The following AKAP12 variants were observed in gnomAD, a reference collection of about 807,000 sequenced individuals.
AKAP12 encodes A-kinase anchoring protein 12.
Under a neutral mutation model 79.9 loss-of-function variants are expected in AKAP12, and 32 were observed. That is an observed-to-expected ratio of 0.40 (90% CI 0.30 to 0.54). The LOEUF (loss-of-function observed/expected upper bound fraction) is 0.54, where lower values mean the gene tolerates loss of function less well. Among genes scored for constraint, AKAP12 ranks in the 20% least tolerant of loss-of-function variants. AKAP12 has a pLI of 0.48. For synonymous variants in AKAP12, 808 were observed against 857.0 expected (o/e 0.94, Z 1.00); for missense variants, 2,074 against 2,177.0 (o/e 0.95, Z 0.94).
intron 2 of AKAP12, among the ~76,000 whole-genome samples, chr6:151,269,981 C>T (rs564659133): frequency 6.6e-6 from 1 of 152,238 alleles, no homozygotes; most frequent in Admixed American, 6.5e-5. Context: ...AATATGTGGC[C>T]TTTTGTGTCT....
At chr6:151,328,421 G>A (rs868339937) in intron 3 of AKAP12, among the ~76,000 whole-genome samples, 1 of 151,160 alleles carries the variant, frequency 6.6e-6, no homozygotes, top group Non-Finnish European at 1.5e-5. Flanking sequence ...GGCGGATCAC[G>A]AGGTCAGGAG....
intron 2 of AKAP12, among the ~76,000 whole-genome samples, chr6:151,262,083 G>A (rs1797450287): frequency 6.6e-6 from 1 of 152,054 alleles, no homozygotes; most frequent in African/African-American, 2.4e-5. Context: ...CCGAGTAGCT[G>A]GGATTATAGG....
At chr6:151,275,158 A>G (rs776967640) in intron 2 of AKAP12, among the ~76,000 whole-genome samples, 1 of 152,044 alleles carries the variant, frequency 6.6e-6, no homozygotes, top group Non-Finnish European at 1.5e-5. Flanking sequence ...TTTGACCCAT[A>G]TGTGATAACG....
intron 2 of AKAP12, among the ~76,000 whole-genome samples, chr6:151,252,274 C>G (rs931493712): frequency 5.4e-4 from 82 of 151,708 alleles, no homozygotes; most frequent in African/African-American, 1.8e-3. Flanking sequence ...TCTCAGCTTA[C>G]TGCACCCCCG....
intron 2 of AKAP12, among the ~76,000 whole-genome samples, chr6:151,287,327 A>G (rs1776526466): frequency 6.6e-6 from 1 of 151,948 alleles, no homozygotes; most frequent in Admixed American, 6.5e-5. Flanking sequence ...TGGCACAATC[A>G]TGGCTCACTG....
intron 3 of AKAP12, among the ~76,000 whole-genome samples, chr6:151,326,611 A>C (rs546728360): frequency 1.3e-5 from 2 of 152,248 alleles, no homozygotes; most frequent in East Asian, 3.9e-4. Context: ...ACTTACACGC[A>C]TCAAACTTTT....
chr6:151,252,221 T>C (rs189282312), intron 2 of AKAP12, among the ~76,000 whole-genome samples: 2 of 150,748 alleles, frequency 1.3e-5, no homozygotes, highest in Admixed American at 6.6e-5. Context: ...TTTTCTGAGA[T>C]GGAGTCTCGC....
chr6:151,308,324 T>C (rs1185102172), intron 3 of AKAP12, among the ~76,000 whole-genome samples: 1 of 152,122 alleles, frequency 6.6e-6, no homozygotes, highest in Non-Finnish European at 1.5e-5. Context: ...GTGATTCTCC[T>C]GCCTCAGACT....
intron 2 of AKAP12, among the ~76,000 whole-genome samples, chr6:151,293,072 T>C (rs1312877541): frequency 6.6e-6 from 1 of 152,262 alleles, no homozygotes; most frequent in African/African-American, 2.4e-5. Flanking sequence ...CCTCCTCTGT[T>C]GAAATTGTTT....
In AKAP12 at chr6:151,300,134, A is replaced by G. The variant is rs199873587; in HGVS notation, c.163-5613A>G. Among the ~76,000 whole-genome samples the G allele has an allele frequency of 5.9e-5, 9 of 152,134 alleles. No individual in the cohort carries two copies. In the East Asian group the frequency reaches 1.5e-3, roughly 26 times the overall value. ...AAGATTTACTTTCAAAACACTTTCT[A>G]TTAGAATGAAGGAGAAAACACAATG... On this transcript the variant is annotated intron_variant, in intron 2 of 4. Transcript: ENST00000402676.
chr6:151,295,915 AC>A (rs1244242823), intron 2 of AKAP12, among the ~76,000 whole-genome samples: 1 of 151,284 alleles, frequency 6.6e-6, no homozygotes, highest in African/African-American at 2.4e-5. Flanking sequence ...GGAGATGTTC[AC>A]CCCCTTTTCT....
At chr6:151,288,117 G>A (rs1776542545) in intron 2 of AKAP12, among the ~76,000 whole-genome samples, 1 of 151,952 alleles carries the variant, frequency 6.6e-6, no homozygotes, top group South Asian at 2.1e-4. Flanking sequence ...TAATGTAGTT[G>A]ACGGGTTGAT....
intron 3 of AKAP12, among the ~76,000 whole-genome samples, chr6:151,316,928 A>G (rs962206125): frequency 7.2e-5 from 11 of 152,092 alleles, no homozygotes; most frequent in African/African-American, 2.7e-4. Flanking sequence ...GTGAGCCACC[A>G]CACCCGGCCA....
chr6:151,243,104 TAG>T, intron 2 of AKAP12, among the ~76,000 whole-genome samples: 1 of 152,226 alleles, frequency 6.6e-6, no homozygotes. Flanking sequence ...TCTCTAGATA[TAG>T]AGTGACTTGT....
At chr6:151,277,944 ATGTGTGTGTGTGTGTG>A (rs10524824) in intron 2 of AKAP12, among the ~76,000 whole-genome samples, 1 of 148,318 alleles carries the variant, frequency 6.7e-6, no homozygotes, top group Non-Finnish European at 1.5e-5. Context: ...TAATAGGTTT[ATGTGTGTGTGTGTGTG>A]TGTGTGTGTG....
intron 2 of AKAP12, among the ~76,000 whole-genome samples, chr6:151,289,466 A>G (rs1036825835): frequency 1.3e-5 from 2 of 152,242 alleles, no homozygotes; most frequent in African/African-American, 4.8e-5. Flanking sequence ...AACACCAACC[A>G]GCCAAACAAA....
rs1778257224 is a variant in AKAP12 at position 151,350,610 on chromosome 6, G to C, written c.2219G>C (p.Gly740Ala). The C allele has an allele frequency of 7.4e-6, 12 of 1,613,962 alleles. No homozygotes were observed. Among genetic ancestry groups the C allele is most frequent in the African/African-American group, 2.7e-5 (2 of 74,910 alleles). ...TCCCAAGAACATGATCCAGGGCAGG[G>C]AAGTTCCTCCCCGGAGCAAGCTGGA... is the stretch of plus-strand genomic sequence containing the variant. ...AGSQEHDPGQGSSSPEQAGSP... is the reference protein window; with the variant it reads ...AGSQEHDPGQASSSPEQAGSP... Residue 740 changes from glycine to alanine, a missense_variant, in exon 4 of 5, where the codon GGA becomes GCA. By Grantham distance (60) the Gly-to-Ala change is moderately conservative. Coordinates refer to ENST00000402676, the MANE Select transcript of AKAP12 (RefSeq NM_005100.4). This position sits in a 1 kb window ranked among gnomAD's most constrained non-coding sequence, Gnocchi z 4.8.
chr6:151,320,799 T>A (rs577685178), intron 3 of AKAP12, among the ~76,000 whole-genome samples: 7 of 152,270 alleles, frequency 4.6e-5, no homozygotes, highest in South Asian at 4.1e-4. Context: ...AAGCCTCCAA[T>A]GGCTCCCTAT....
chr6:151,332,035 T>TGTTTTTGTTTG lies in AKAP12; in HGVS notation c.320-16676_320-16675insGTTTTTGTTTG, dbSNP rs1448624184. ...GTAGCACGTCCAGTTCTGGGTCTGT[T>TGTTTTTGTTTG]TTTTTTTTTTTTTTTTTTTGAGACA... is the stretch of plus-strand genomic sequence containing the variant. On this transcript the variant is annotated intron_variant, in intron 3 of 4. Transcript: ENST00000402676. 3.9e-4 allele frequency among the ~76,000 whole-genome samples: 25 copies of TGTTTTTGTTTG among 63,340 alleles called. No individual in the cohort carries two copies. In the East Asian group the frequency reaches 0.02, roughly 51 times the overall value. The allele number at this position is 63,340 out of a possible 152,430, so 41.6% of individuals were successfully genotyped here. A position where few individuals can be genotyped will look rare whatever the true frequency, so the allele number is the denominator to read the frequency against.
Sources: gnomAD v4.1 joint callset for allele counts (sites outside exome capture counted in the v4.1 genomes callset) on GRCh38, gnomAD v4.1.1 for gene constraint, Gnocchi (gnomAD v3.1) non-coding constraint, MANE v1.5 for transcripts, NCBI Gene and HGNC (gene_info 2026-07-23, HGNC 2026-07-21) for gene names.